CTNND2: variants seen among roughly 807,000 people sequenced by gnomAD.
The protein encoded by CTNND2 is catenin delta-2.
Under a neutral mutation model 144.4 loss-of-function variants are expected in CTNND2, and 22 were observed. The ratio of observed to expected loss-of-function variants is 0.15; its 90% CI spans 0.11 to 0.22. The LOEUF is 0.22. CTNND2 is among the 10% of genes least tolerant of loss of function. The pLI is 1.00. For missense variants in CTNND2, 1,353 were observed against 1,618.8 expected (o/e 0.84, Z 2.82); for synonymous variants, 751 against 695.6 (o/e 1.08, Z -1.25).
chr5:11,238,966 T>G (rs1186499804), intron 9 of CTNND2, among the ~76,000 whole-genome samples: 1 of 152,242 alleles, frequency 6.6e-6, no homozygotes, highest in African/African-American at 2.4e-5. Context: ...TCTGCAAGGC[T>G]CAGATAGCAC....
At chr5:11,520,677 G>A (rs1772645303) in intron 3 of CTNND2, among the ~76,000 whole-genome samples, 1 of 152,144 alleles carries the variant, frequency 6.6e-6, no homozygotes, top group African/African-American at 2.4e-5. Flanking sequence ...CTTGAATTGT[G>A]GCCCTCATCC....
chr5:11,674,779 G>A lies in CTNND2; in HGVS notation c.174+57357C>T, dbSNP rs139459905. 3.5e-3 allele frequency among the ~76,000 whole-genome samples: 533 copies of A among 152,148 alleles called. 2 individuals are homozygous for A. The highest frequency in any genetic ancestry group is 0.021 in the South Asian group (99 of 4,820). On this transcript the variant is annotated intron_variant, in intron 2 of 21. Coordinates refer to ENST00000304623, the MANE Select transcript of CTNND2 (RefSeq NM_001332.4). ...TCTTCCTCTGTCGCCAGGCTGGAGC[G>A]CAGTGGTGCAATCTCAGCTCACTGC...
chr5:11,410,154 C>T (rs894531458), intron 5 of CTNND2, among the ~76,000 whole-genome samples: 3 of 152,030 alleles, frequency 2.0e-5, no homozygotes, highest in African/African-American at 7.2e-5. Flanking sequence ...AGAGTTGTCC[C>T]TACAAGAGAA....
rs1736010306 is a variant in CTNND2 at position 10,973,130 on chromosome 5, C to T, written c.*323G>A. ...TTGTGCTTAACGATAACCCTTACGC[C>T]CCACCGGCCCGAATGCCTCGTCTCT... On this transcript the variant is annotated 3_prime_UTR_variant, in exon 22 of 22. Coordinates refer to ENST00000304623, the MANE Select transcript of CTNND2 (RefSeq NM_001332.4). The surrounding 1 kb of genome is among the most constrained non-coding windows in gnomAD (Gnocchi z 5.6). 4.4e-6 allele frequency: 1 copy of T among 229,528 alleles called. No individual in the cohort carries two copies. Among genetic ancestry groups the T allele is most frequent in the Non-Finnish European group, 8.5e-6 (1 of 118,142 alleles). The allele number at this position is 229,528 out of a possible 1,614,324, so 14.2% of individuals were successfully genotyped here.
At chr5:11,581,168 G>A (rs1778399382) in intron 2 of CTNND2, among the ~76,000 whole-genome samples, 2 of 151,876 alleles carry the variant, frequency 1.3e-5, no homozygotes, top group African/African-American at 4.8e-5. Context: ...CTGAACCCCT[G>A]TCAAACCAGA....
chr5:10,988,315 G>T lies in CTNND2; in HGVS notation c.3212-73C>A. On this transcript the variant is annotated intron_variant, in intron 19 of 21. Coordinates refer to ENST00000304623, the MANE Select transcript of CTNND2 (RefSeq NM_001332.4). The surrounding 1 kb of genome is among the most constrained non-coding windows in gnomAD (Gnocchi z 5.9). ...CGTGTGTGCCTTCCACACAGTCAGGGTCCTCACTATGCATGGTCCCGCATC... is the reference window on the plus strand; with the variant it reads ...CGTGTGTGCCTTCCACACAGTCAGGTTCCTCACTATGCATGGTCCCGCATC... 1.3e-6 allele frequency: 2 copies of T among 1,576,480 alleles called. No homozygotes were observed. Among genetic ancestry groups the T allele is most frequent in the Non-Finnish European group, 8.7e-7 (1 of 1,150,874 alleles).
chr5:11,879,339 G>GTATATATATATATATATATATATATATA (rs368634452), intron 1 of CTNND2, among the ~76,000 whole-genome samples: 1,671 of 100,040 alleles, frequency 0.017, 151 homozygotes, highest in South Asian at 0.02. Context: ...AATTAAATGT[G>GTATATATATATATATATATATATATATA]TGTATATATA....
intron 3 of CTNND2, among the ~76,000 whole-genome samples, chr5:11,425,797 A>G (rs1283232215): frequency 1.3e-5 from 2 of 152,074 alleles, no homozygotes; most frequent in Non-Finnish European, 1.5e-5. Context: ...GGTGGTATGA[A>G]TAACTTCTCA....
At chr5:11,732,718 T>C (rs1024022870) in intron 1 of CTNND2, among the ~76,000 whole-genome samples, 2 of 152,144 alleles carry the variant, frequency 1.3e-5, no homozygotes, top group African/African-American at 4.8e-5. Flanking sequence ...ATATCTCCCA[T>C]AACCCCCGTT....
At chr5:11,710,691 T>C (rs1785974005) in intron 2 of CTNND2, among the ~76,000 whole-genome samples, 1 of 152,148 alleles carries the variant, frequency 6.6e-6, no homozygotes, top group African/African-American at 2.4e-5. Flanking sequence ...AACATGAACT[T>C]TAACTCTACA....
Position 11,334,475 on chromosome 5 carries a change from G to C in CTNND2, c.1628+11897C>G, listed in dbSNP as rs189704867. Among the ~76,000 whole-genome samples the C allele has an allele frequency of 1.1e-3, 172 of 152,202 alleles. 2 individuals are homozygous for C. Among genetic ancestry groups the C allele is most frequent in the Admixed American group, 0.011 (170 of 15,280 alleles). On this transcript the variant is annotated intron_variant, in intron 9 of 21. Transcript: ENST00000304623. Reference sequence around the variant, plus strand: ...TTTTTCATAAGGCCTCTTTTATTCAGTTGAAAAGACTACATCCCAGGCTGA... The same window carrying C: ...TTTTTCATAAGGCCTCTTTTATTCACTTGAAAAGACTACATCCCAGGCTGA...
intron 9 of CTNND2, among the ~76,000 whole-genome samples, chr5:11,267,607 C>G (rs1047338389): frequency 6.6e-6 from 1 of 152,148 alleles, no homozygotes; most frequent in Non-Finnish European, 1.5e-5. Flanking sequence ...ATTTGCCCAG[C>G]CCTGAAATGG....
At chr5:11,584,450 A>C (rs1325081658) in intron 2 of CTNND2, among the ~76,000 whole-genome samples, 1 of 150,722 alleles carries the variant, frequency 6.6e-6, no homozygotes, top group Non-Finnish European at 1.5e-5. Flanking sequence ...GGAAGCTAGT[A>C]CTGTTTAAAG....
At position 11,107,545 on chromosome 5, in the gene CTNND2, C is replaced by G. The variant is rs193137626; in HGVS notation, c.2463+3313G>C. Among the ~76,000 whole-genome samples, 654 of 152,306 alleles carry G rather than the reference C, an allele frequency of 4.3e-3. 1 individual carries two copies. Among genetic ancestry groups the G allele is most frequent in the East Asian group, 0.014 (75 of 5,178 alleles). On this transcript the variant is annotated intron_variant, in intron 14 of 21. Transcript: ENST00000304623. The stretch of plus-strand genomic sequence containing the variant: ...TGGGATTTCATGATTTCTCATAACA[C>G]CTTCAGTGCAAAGAATTTGTTTAGT...
At chr5:11,470,802 C>T (rs184462438) in intron 3 of CTNND2, among the ~76,000 whole-genome samples, 26 of 151,630 alleles carry the variant, frequency 1.7e-4, no homozygotes, top group Admixed American at 4.6e-4. Context: ...AGATTTTTCT[C>T]GTGATCTCAT....
At chr5:11,227,794 T>C (rs532686544) in intron 10 of CTNND2, among the ~76,000 whole-genome samples, 1 of 152,324 alleles carries the variant, frequency 6.6e-6, no homozygotes, top group African/African-American at 2.4e-5. Context: ...TTATAAATGA[T>C]ATAAGTATAT....
At chr5:11,090,054 C>T (rs1750603581) in intron 15 of CTNND2, among the ~76,000 whole-genome samples, 1 of 152,102 alleles carries the variant, frequency 6.6e-6, no homozygotes, top group Non-Finnish European at 1.5e-5. Flanking sequence ...GTTACATGCT[C>T]CTTTGGGAGT....
chr5:11,723,642 C>T (rs1212192525), intron 2 of CTNND2, among the ~76,000 whole-genome samples: 1 of 152,178 alleles, frequency 6.6e-6, no homozygotes, highest in Non-Finnish European at 1.5e-5. Flanking sequence ...ACTCTCAATA[C>T]AAATATACTA....
chr5:11,592,154 TCCTGCCTG>T (rs58897637), intron 2 of CTNND2, among the ~76,000 whole-genome samples: 46,068 of 131,050 alleles, frequency 0.35, 8,705 homozygotes, highest in African/African-American at 0.46. Flanking sequence ...CTTCCTGCCT[TCCTGCCTG>T]CCTGCCTTCC....
Sources: gnomAD v4.1 joint callset for allele counts (sites outside exome capture counted in the v4.1 genomes callset) on GRCh38, gnomAD v4.1.1 for gene constraint, Gnocchi (gnomAD v3.1) non-coding constraint, MANE v1.5 for transcripts, NCBI Gene and HGNC (gene_info 2026-07-23, HGNC 2026-07-21) for gene names.